BPIFA1: variants seen among roughly 807,000 people sequenced by gnomAD.
BPIFA1 encodes the protein BPI fold containing family A member 1, also known as BPI fold-containing family A member 1.
A neutral mutation model predicts 25.1 loss-of-function variants in BPIFA1; 24 were observed. The observed-to-expected ratio is 0.96, with a 90% CI of 0.69 to 1.35. The LOEUF is 1.35. Ranked by LOEUF, BPIFA1 falls within the 40% of genes most tolerant of loss-of-function variation. The pLI is 0.00. For missense variants in BPIFA1, 344 were observed against 303.7 expected (o/e 1.13, Z -0.99); for synonymous variants, 139 against 131.8 (o/e 1.05, Z -0.37).
In BPIFA1 at chr20:33,239,682, A is replaced by G. The variant is rs961770599; in HGVS notation, c.321-121A>G. The G allele has an allele frequency of 8.4e-6, 8 of 957,742 alleles. No individual in the cohort carries two copies. In the African/African-American group the frequency reaches 9.7e-5, roughly 12 times the overall value. The allele number at this position is 957,742 out of a possible 1,614,324, so 59.3% of individuals were successfully genotyped here. ...GCTTAGGCTGCAAGACTCCCCTCCC[A>G]TCTCCCTATCCTGGGTGGGAAGCTC... On this transcript the variant is annotated intron_variant, in intron 3 of 8. Transcript: ENST00000354297.
At chr20:33,241,957 A>G (rs2146502757) in intron 6 of BPIFA1, 99 bp from the exon 7 acceptor site, 1 of 1,092,882 alleles carries the variant, frequency 9.2e-7, no homozygotes. Flanking sequence ...TCACTTTCAC[A>G]CAGAAAAATG....
At chr20:33,237,055 CT>C (rs753755140) in intron 1 of BPIFA1, among the ~76,000 whole-genome samples, 32 of 152,302 alleles carry the variant, frequency 2.1e-4, no homozygotes, top group Middle Eastern at 3.4e-3. Context: ...ACGTTTAACC[CT>C]TCTCATTTGC....
At chr20:33,241,552 C>A in intron 6 of BPIFA1, 83 bp downstream of exon 6, 1 of 1,174,938 alleles carries the variant, frequency 8.5e-7, no homozygotes, top group Non-Finnish European at 1.3e-6. Flanking sequence ...TAAGTGGGTC[C>A]GAGTCCCTCA....
chr20:33,239,675 C>T, intron 3 of BPIFA1, 128 bp from the exon 4 acceptor site: 2 of 888,836 alleles, frequency 2.3e-6, no homozygotes, highest in South Asian at 1.5e-5. Context: ...TGCAAGACTC[C>T]CCTCCCATCT....
intron 2 of BPIFA1, 26 bp from the exon 3 acceptor site, chr20:33,238,029 C>G: frequency 6.2e-7 from 1 of 1,602,658 alleles, no homozygotes. Context: ...GATCTGACCC[C>G]CAGAGACCCT....
chr20:33,237,619 C>A, intron 1 of BPIFA1, 78 bp from the exon 2 acceptor site: 1 of 1,228,396 alleles, frequency 8.1e-7, no homozygotes, highest in South Asian at 2.9e-5. Flanking sequence ...CAACCCCACC[C>A]CCCAGGTGTC....
At position 33,241,233 on chromosome 20, in the gene BPIFA1, A is replaced by T; in HGVS notation, c.582-152A>T. 8 of 712,980 alleles carry T rather than the reference A, an allele frequency of 1.1e-5. No individual in the cohort carries two copies. The South Asian group carries it at 1.3e-4, about 12-fold the overall frequency. 44.2% of individuals were successfully genotyped at this position (712,980 alleles called of 1,614,324 possible). Reference sequence around the variant, plus strand: ...ACAAATGTAACTCCCTTTACATAAGACCCTTGCTGTTGGCCTGCACGTGGG... The same window carrying T: ...ACAAATGTAACTCCCTTTACATAAGTCCCTTGCTGTTGGCCTGCACGTGGG... On this transcript the variant is annotated intron_variant, in intron 5 of 8. Coordinates refer to ENST00000354297, the MANE Select transcript of BPIFA1 (RefSeq NM_130852.3).
intron 8 of BPIFA1, 35 bp downstream of exon 8, chr20:33,242,596 G>T: frequency 6.6e-7 from 1 of 1,521,790 alleles, no homozygotes; most frequent in Admixed American, 1.7e-5. Context: ...GGGTTTTGGG[G>T]GCTGGCTGTT....
At chr20:33,236,233 A>ATTGGTCTCTTAC (rs1978671003) in intron 1 of BPIFA1, among the ~76,000 whole-genome samples, 183 bp downstream of exon 1, 1 of 152,226 alleles carries the variant, frequency 6.6e-6, no homozygotes, top group Non-Finnish European at 1.5e-5. Context: ...GACCAGTAAC[A>ATTGGTCTCTTAC]TTGATATAGA....
chr20:33,238,078 G>A lies in BPIFA1; in HGVS notation c.184G>A (p.Gly62Arg). Residue 62 changes from glycine (G) to arginine (R), a missense_variant, in exon 3 of 9, where the codon GGG becomes AGG. By Grantham distance (125) the Gly-to-Arg change is moderately radical. Coordinates refer to ENST00000354297, the MANE Select transcript of BPIFA1 (RefSeq NM_130852.3). ...AGCCCTCAGCAATGGCCTGCTGTCT[G>A]GGGGCCTGTTGGGCATTCTGGAAAA... Reference protein sequence around the residue: ...TNALSNGLLSGGLLGILENLP... With the variant: ...TNALSNGLLSRGLLGILENLP... 6.2e-7 allele frequency: 1 copy of A among 1,613,774 alleles called. No homozygotes were observed. Among genetic ancestry groups the A allele is most frequent in the Non-Finnish European group, 8.5e-7 (1 of 1,179,860 alleles).
At chr20:33,236,603 C>T (rs1043160599) in intron 1 of BPIFA1, among the ~76,000 whole-genome samples, 1 of 152,188 alleles carries the variant, frequency 6.6e-6, no homozygotes, top group Non-Finnish European at 1.5e-5. Context: ...ATTGTAGGTA[C>T]TAGTGCTGGC....
At chr20:33,242,376 C>A in intron 7 of BPIFA1, 111 bp from the exon 8 acceptor site, 1 of 1,315,750 alleles carries the variant, frequency 7.6e-7, no homozygotes, top group Non-Finnish European at 1.1e-6. Flanking sequence ...TGAACACAGT[C>A]GGATCTCCAG....
In BPIFA1 at chr20:33,241,253, C is replaced by T. The variant is rs73904650; in HGVS notation, c.582-132C>T. 1,327 of 810,352 alleles carry T rather than the reference C, an allele frequency of 1.6e-3. 13 individuals are homozygous for T. In the African/African-American group the frequency reaches 0.02, roughly 12 times the overall value. The allele number at this position is 810,352 out of a possible 1,614,324, so 50.2% of individuals were successfully genotyped here. ...ATAAGACCCTTGCTGTTGGCCTGCACGTGGGTGTAGATAGACAAGGCTCGG... is the reference window on the plus strand; with the variant it reads ...ATAAGACCCTTGCTGTTGGCCTGCATGTGGGTGTAGATAGACAAGGCTCGG... On this transcript the variant is annotated intron_variant, in intron 5 of 8. Coordinates refer to ENST00000354297, the MANE Select transcript of BPIFA1 (RefSeq NM_130852.3).
At chr20:33,241,304 T>G (rs1370853281) in intron 5 of BPIFA1, 81 bp from the exon 6 acceptor site, 6 of 1,292,952 alleles carry the variant, frequency 4.6e-6, no homozygotes, top group Non-Finnish European at 6.7e-6. Flanking sequence ...GTTGAGACTG[T>G]GGGGTTCACA....
intron 8 of BPIFA1, 67 bp from the exon 9 acceptor site, chr20:33,243,040 G>A (rs1979060252): frequency 6.1e-6 from 1 of 162,748 alleles, no homozygotes; most frequent in Admixed American, 5.8e-5. Flanking sequence ...TGTCCCTCTG[G>A]GGCATGAGTT....
chr20:33,242,027 G>A (rs761135887), intron 6 of BPIFA1, 29 bp from the exon 7 acceptor site: 2 of 1,606,862 alleles, frequency 1.2e-6, no homozygotes, highest in South Asian at 2.2e-5. Context: ...GTGCCACTCT[G>A]CCTAACTCTC....
chr20:33,239,929 G>C lies in BPIFA1; in HGVS notation c.428+19G>C, dbSNP rs766679407. On this transcript the variant is annotated intron_variant, in intron 4 of 8. Coordinates refer to ENST00000354297, the MANE Select transcript of BPIFA1 (RefSeq NM_130852.3). ...TGAATACGTGAGTGGGTCCCAAGAG[G>C]GGGTGAGAGGATGGCTCACCGAGGG... 17 of 1,603,974 alleles carry C rather than the reference G, an allele frequency of 1.1e-5. No homozygotes were observed. The Admixed American group carries it at 1.8e-4, about 17-fold the overall frequency.
intron 1 of BPIFA1, 94 bp from the exon 2 acceptor site, chr20:33,237,603 A>C: frequency 1.9e-6 from 2 of 1,080,824 alleles, no homozygotes; most frequent in Non-Finnish European, 2.5e-6. Context: ...TGTTCTGGGG[A>C]GCAAACAACC....
rs41290866 is a variant in BPIFA1, at chr20:33,243,251, C to T, written c.*179C>T. The stretch of plus-strand genomic sequence containing the variant: ...GGAACCTGCCCCCTCTCCTTTCCCA[C>T]CAGGCGTGTGTAACATCCCATGTGC... On this transcript the variant is annotated 3_prime_UTR_variant, in exon 9 of 9. Transcript: ENST00000354297. 0.013 allele frequency: 1,917 copies of T among 152,440 alleles called. 19 individuals carry two copies. The highest frequency in any genetic ancestry group is 0.021 in the Non-Finnish European group (1,407 of 68,166). The allele number at this position is 152,440 out of a possible 1,614,324, so 9.4% of individuals were successfully genotyped here.
Sources: allele counts gnomAD v4.1 joint callset (sites outside exome capture counted in the v4.1 genomes callset), GRCh38; gene constraint gnomAD v4.1.1; transcripts MANE v1.5; gene names NCBI Gene and HGNC (gene_info 2026-07-23, HGNC 2026-07-21).